Variants in GNG2 observed in about 807,000 individuals in gnomAD.
GNG2 encodes the protein guanine nucleotide-binding protein G(I)/G(S)/G(O) subunit gamma-2.
Under a neutral mutation model 5.5 loss-of-function variants are expected in GNG2, and 5 were observed. That is an observed-to-expected ratio of 0.91 (90% CI 0.48 to 1.92). GNG2 has a LOEUF of 1.92. Among genes scored for constraint, GNG2 ranks in the 30% most tolerant of loss-of-function variants. GNG2 has a pLI of 0.01. For synonymous variants in GNG2, 28 were observed against 32.0 expected (o/e 0.88, Z 0.42); for missense variants, 55 against 88.4 (o/e 0.62, Z 1.52).
intron 2 of GNG2, among the ~76,000 whole-genome samples, chr14:51,849,122 T>C (rs1881787201): frequency 1.3e-5 from 2 of 152,192 alleles, no homozygotes; most frequent in South Asian, 2.1e-4. Context: ...TGTCAGTTGT[T>C]TGAAGGCTTG....
At chr14:51,884,237 G>A (rs1433737027) in intron 2 of GNG2, among the ~76,000 whole-genome samples, 1 of 152,170 alleles carries the variant, frequency 6.6e-6, no homozygotes, top group Non-Finnish European at 1.5e-5. Flanking sequence ...GAAAAAAAAT[G>A]TCAGAACCAA....
intron 2 of GNG2, among the ~76,000 whole-genome samples, chr14:51,881,701 CT>C (rs58544362): frequency 0.1 from 10,920 of 104,112 alleles, 518 homozygotes; most frequent in African/African-American, 0.12. Flanking sequence ...AGCTGGAAGA[CT>C]TTTTTTTTTT....
intron 3 of GNG2, among the ~76,000 whole-genome samples, chr14:51,963,457 G>A (rs1428496654): frequency 1.3e-5 from 2 of 152,136 alleles, no homozygotes; most frequent in African/African-American, 4.8e-5. Context: ...CTCCTGTTTG[G>A]TGTAACAATG....
chr14:51,959,586 G>A (rs1051844389), intron 3 of GNG2, among the ~76,000 whole-genome samples: 2 of 152,104 alleles, frequency 1.3e-5, no homozygotes, highest in Non-Finnish European at 2.9e-5. Flanking sequence ...TGATAAAGCA[G>A]TAGCCTCCAG....
In GNG2 at chr14:51,876,183, C is replaced by G. The variant is rs776976910; in HGVS notation, c.-70-1434C>G. Reference sequence around the variant, plus strand: ...CAAACTCCTGGACACAAGTGTTCCTCCCTCCTTGGCTTCCCAAAGTGCTGG... The same window carrying G: ...CAAACTCCTGGACACAAGTGTTCCTGCCTCCTTGGCTTCCCAAAGTGCTGG... On this transcript the variant is annotated intron_variant, in intron 1 of 3. Transcript: ENST00000556766. Among the ~76,000 whole-genome samples, 157 of 152,146 alleles carry G rather than the reference C, an allele frequency of 1.0e-3. 1 individual carries two copies. The highest frequency in any genetic ancestry group is 1.1e-3 in the Non-Finnish European group (77 of 68,020).
chr14:51,841,645 C>T (rs1881486440), intron 2 of GNG2: 2 of 664,788 alleles, frequency 3.0e-6, no homozygotes, highest in Non-Finnish European at 5.5e-6. Context: ...GCAAGCAAAA[C>T]ATTAAGGCAC....
At chr14:51,839,551 T>G (rs1022212532) in intron 2 of GNG2, among the ~76,000 whole-genome samples, 1 of 152,136 alleles carries the variant, frequency 6.6e-6, no homozygotes, top group African/African-American at 2.4e-5. Flanking sequence ...TTAGTGATTT[T>G]GGGTTCCCAA....
Position 51,950,795 on chromosome 14 carries a change from T to C in GNG2, c.87+30T>C, listed in dbSNP as rs1024742790. Reference sequence around the variant, plus strand: ...GGATGGTCTAACCCCACACTTCATCTAGCGTGAGTCTAAGGCGCATGTCAT... The same window carrying C: ...GGATGGTCTAACCCCACACTTCATCCAGCGTGAGTCTAAGGCGCATGTCAT... On this transcript the variant is annotated intron_variant, in intron 3 of 3. Transcript: ENST00000556766. 2.1e-6 allele frequency: 3 copies of C among 1,397,632 alleles called. No individual in the cohort carries two copies. In the African/African-American group the frequency reaches 4.4e-5, roughly 20 times the overall value. The allele number at this position is 1,397,632 out of a possible 1,614,324, so 86.6% of individuals were successfully genotyped here.
intron 2 of GNG2, 117 bp downstream of exon 2, chr14:51,877,774 G>A (rs1883773427): frequency 3.0e-6 from 1 of 328,058 alleles, no homozygotes. Flanking sequence ...GAAAGAAACA[G>A]TCATAGAGTC....
intron 3 of GNG2, among the ~76,000 whole-genome samples, chr14:51,957,025 A>T (rs1360083847): frequency 8.2e-6 from 1 of 122,444 alleles, no homozygotes; most frequent in African/African-American, 3.4e-5. Context: ...CGCCACCCCC[A>T]CAACTCCTTA....
chr14:51,848,819 G>C (rs1246598608), intron 2 of GNG2, among the ~76,000 whole-genome samples: 1 of 152,118 alleles, frequency 6.6e-6, no homozygotes, highest in Non-Finnish European at 1.5e-5. Flanking sequence ...AAGAAGTTGT[G>C]GTTCTTGAGG....
chr14:51,942,113 G>T (rs4271524), intron 2 of GNG2, among the ~76,000 whole-genome samples: 1 of 152,096 alleles, frequency 6.6e-6, no homozygotes, highest in East Asian at 1.9e-4. Flanking sequence ...ACCAGATATC[G>T]ATAAAGCATA....
chr14:51,849,778 T>C (rs890792305), intron 2 of GNG2, among the ~76,000 whole-genome samples: 1 of 151,514 alleles, frequency 6.6e-6, no homozygotes, highest in African/African-American at 2.4e-5. Flanking sequence ...GTATAAATTA[T>C]ACCTAATTTT....
At chr14:51,853,443 A>T (rs151111686) in intron 2 of GNG2, among the ~76,000 whole-genome samples, 2 of 152,230 alleles carry the variant, frequency 1.3e-5, no homozygotes, top group Non-Finnish European at 2.9e-5. Flanking sequence ...ACTTAGGTAC[A>T]GAATAGAGCC....
chr14:51,935,440 C>T (rs1047367685), intron 2 of GNG2, among the ~76,000 whole-genome samples: 13 of 152,190 alleles, frequency 8.5e-5, no homozygotes, highest in African/African-American at 3.1e-4. Context: ...CACACTCCCA[C>T]CCATCCATTC....
In GNG2 at chr14:51,966,597, A is replaced by G; in HGVS notation, c.126A>G (p.Glu42=). 1 of 1,613,726 alleles carries G rather than the reference A, an allele frequency of 6.2e-7. No individual in the cohort carries two copies. The highest frequency in any genetic ancestry group is 1.1e-5 in the South Asian group (1 of 91,070). The change falls in exon 4 of 4, where the codon GAA becomes GAG. Residue 42 remains glutamate (E), a synonymous_variant. Transcript: ENST00000556766. ...CTGCAGATTTGATGGCCTACTGTGA[A>G]GCACATGCCAAGGAAGACCCCCTCC... ...KAAADLMAYC[E]AHAKEDPLLT...
intron 2 of GNG2, among the ~76,000 whole-genome samples, chr14:51,898,019 T>C (rs1885315676): frequency 6.6e-6 from 1 of 152,192 alleles, no homozygotes; most frequent in Non-Finnish European, 1.5e-5. Flanking sequence ...GGGTTCATGC[T>C]CTCTGGGTAT....
At chr14:51,839,453 T>G (rs1326965411) in intron 2 of GNG2, among the ~76,000 whole-genome samples, 2 of 152,218 alleles carry the variant, frequency 1.3e-5, no homozygotes, top group African/African-American at 4.8e-5. Context: ...GGTATCTACC[T>G]TTTTTGTCTT....
chr14:51,925,607 T>C (rs1360179720), intron 2 of GNG2, among the ~76,000 whole-genome samples: 1 of 152,080 alleles, frequency 6.6e-6, no homozygotes, highest in Non-Finnish European at 1.5e-5. Context: ...GACATTGAAG[T>C]CTTTTCTTTT....
Sources: allele counts gnomAD v4.1 joint callset (sites outside exome capture counted in the v4.1 genomes callset), GRCh38; gene constraint gnomAD v4.1.1; transcripts MANE v1.5; gene names NCBI Gene and HGNC (gene_info 2026-07-23, HGNC 2026-07-21).